CLEC4G: variants seen among roughly 807,000 people sequenced by gnomAD.
CLEC4G encodes C-type lectin domain family 4 member G.
In CLEC4G, 34 loss-of-function variants were observed where a neutral mutation model predicts 37.0. The observed-to-expected ratio is 0.92, with a 90% confidence interval of 0.70 to 1.22. CLEC4G has a LOEUF of 1.22. CLEC4G is among the 50% of genes most tolerant of loss of function. CLEC4G has a pLI of 0.00. For missense variants in CLEC4G, 390 were observed against 392.9 expected (o/e 0.99, Z 0.06); for synonymous variants, 167 against 165.6 (o/e 1.01, Z -0.06).
Position 7,729,107 on chromosome 19 carries a change from C to G in CLEC4G, c.*259G>C, listed in dbSNP as rs747895204. 1.6e-6 allele frequency: 1 copy of G among 614,156 alleles called. No individual in the cohort carries two copies. Among genetic ancestry groups the G allele is most frequent in the Admixed American group, 2.1e-5 (1 of 46,820 alleles). The allele number at this position is 614,156 out of a possible 1,614,324, so 38.0% of individuals were successfully genotyped here. On this transcript the variant is annotated 3_prime_UTR_variant, in exon 9 of 9. Transcript: ENST00000328853. ...GAGAAGTGGAGGCATATCACGGGGA[C>G]GCAGGAGCAGGGATTTTGGAGCTAG...
chr19:7,731,367 C>T (rs747593733), intron 2 of CLEC4G, 48 bp from the exon 3 acceptor site: 9 of 1,537,762 alleles, frequency 5.9e-6, no homozygotes, highest in Middle Eastern at 1.7e-4. Flanking sequence ...CGGGAATCCT[C>T]CCCTCGCCCG....
chr19:7,729,008 C>T lies in CLEC4G; in HGVS notation c.*358G>A. Reference sequence around the variant, plus strand: ...TTGATGCTTCCTCAGGCTGCAAAAACAGCTTCCAGTTTGGTGGAAAATGCG... The same window carrying T: ...TTGATGCTTCCTCAGGCTGCAAAAATAGCTTCCAGTTTGGTGGAAAATGCG... On this transcript the variant is annotated 3_prime_UTR_variant, in exon 9 of 9. Transcript: ENST00000328853. The T allele has an allele frequency of 2.6e-6, 1 of 382,804 alleles. No individual in the cohort carries two copies. The highest frequency in any genetic ancestry group is 5.1e-6 in the Non-Finnish European group (1 of 197,364). 23.7% of individuals were successfully genotyped at this position (382,804 alleles called of 1,614,324 possible).
Position 7,731,777 on chromosome 19 carries a change from A to G in CLEC4G, c.56-6T>C, listed in dbSNP as rs373345104. 1.2e-5 allele frequency: 19 copies of G among 1,611,696 alleles called. No individual in the cohort carries two copies. The African/African-American group carries it at 2.3e-4, about 19-fold the overall frequency. On this transcript the variant is annotated splice_region_variant and splice_polypyrimidine_tract_variant and intron_variant, in intron 1 of 8. Coordinates refer to ENST00000328853, the MANE Select transcript of CLEC4G (RefSeq NM_198492.4). ...CACCCAGCGTCCCCAGGGCCCTGGCATAACAAGGACGGCATGCTGGGTCCC... is the reference window on the plus strand; with the variant it reads ...CACCCAGCGTCCCCAGGGCCCTGGCGTAACAAGGACGGCATGCTGGGTCCC...
chr19:7,730,612 G>C lies in CLEC4G; in HGVS notation c.388+143C>G, dbSNP rs2033413922. ...TGGGCAGGGTCCGGGTGTGGCCGGC[G>C]CTAGGAGTGGCAGTCAAGGTCAGAG... On this transcript the variant is annotated intron_variant, in intron 5 of 8. Coordinates refer to ENST00000328853, the MANE Select transcript of CLEC4G (RefSeq NM_198492.4). This position sits in a 1 kb window ranked among gnomAD's most constrained non-coding sequence, Gnocchi z 7.3. 1 of 1,446,808 alleles carries C rather than the reference G, an allele frequency of 6.9e-7. No homozygotes were observed. The highest frequency in any genetic ancestry group is 1.4e-5 in the South Asian group (1 of 70,568). 89.6% of individuals were successfully genotyped at this position (1,446,808 alleles called of 1,614,324 possible).
rs1227073632 is a variant in CLEC4G, at chr19:7,730,477, C to T, written c.389-37G>A. On this transcript the variant is annotated intron_variant, in intron 5 of 8. Transcript: ENST00000328853. This position sits in a 1 kb window ranked among gnomAD's most constrained non-coding sequence, Gnocchi z 7.3. ...AGGGAGCGGGGATTATGGCTGGGGTCAGGGCCAGGACCAGGGTCATGACTA... is the reference window on the plus strand; with the variant it reads ...AGGGAGCGGGGATTATGGCTGGGGTTAGGGCCAGGACCAGGGTCATGACTA... 1 of 1,594,578 alleles carries T rather than the reference C, an allele frequency of 6.3e-7. No homozygotes were observed.
At chr19:7,731,347 G>T (rs779277759) in intron 2 of CLEC4G, 28 bp from the exon 3 acceptor site, 2 of 1,554,772 alleles carry the variant, frequency 1.3e-6, no homozygotes, top group Admixed American at 1.9e-5. Flanking sequence ...TGCAGGCGAG[G>T]CCGGGAACTC....
In CLEC4G at chr19:7,730,302, G is replaced by A; in HGVS notation, c.478+49C>T. 2.5e-6 allele frequency: 4 copies of A among 1,582,726 alleles called. No homozygotes were observed. The South Asian group carries it at 3.4e-5, about 14-fold the overall frequency. ...CCAGGCCAAGGTCCAGGAGTGACAG[G>A]GTCCGCTTACGCCCTCACAGCCCGC... On this transcript the variant is annotated intron_variant, in intron 6 of 8. Coordinates refer to ENST00000328853, the MANE Select transcript of CLEC4G (RefSeq NM_198492.4). This position sits in a 1 kb window ranked among gnomAD's most constrained non-coding sequence, Gnocchi z 7.3.
At position 7,731,480 on chromosome 19, in the gene CLEC4G, C is replaced by G. The variant is rs12978401; in HGVS notation, c.167-161G>C. On this transcript the variant is annotated intron_variant, in intron 2 of 8. Coordinates refer to ENST00000328853, the MANE Select transcript of CLEC4G (RefSeq NM_198492.4). ...GATGGGAGACAAACGCGCGGGGACT[C>G]GCGCACATACGAGCACGCCATGTGC... The G allele has an allele frequency of 5.4e-6, 8 of 1,470,304 alleles. No individual in the cohort carries two copies. In the East Asian group the frequency reaches 7.5e-5, roughly 14 times the overall value. The allele number at this position is 1,470,304 out of a possible 1,614,324, so 91.1% of individuals were successfully genotyped here.
chr19:7,730,147 T>C lies in CLEC4G; in HGVS notation c.499A>G (p.Thr167Ala). Reference protein sequence around the residue: ...LQNNSCEPCPTSWLSFEGSCY... With the variant: ...LQNNSCEPCPASWLSFEGSCY... The stretch of plus-strand genomic sequence containing the variant: ...GAGCCCTCGAAGGACAGCCACGACG[T>C]GGGGCACGGCTCGCAGGAGTCTGCG... Residue 167 changes from threonine (T) to alanine (A), a missense_variant, in exon 7 of 9, where the codon ACG becomes GCG. Transcript: ENST00000328853. This position sits in a 1 kb window ranked among gnomAD's most constrained non-coding sequence, Gnocchi z 7.3. The C allele has an allele frequency of 6.2e-7, 1 of 1,612,958 alleles. No homozygotes were observed. The highest frequency in any genetic ancestry group is 1.1e-5 in the South Asian group (1 of 90,974).
At position 7,728,998 on chromosome 19, in the gene CLEC4G, G is replaced by A; in HGVS notation, c.*368C>T. The A allele has an allele frequency of 2.7e-6, 1 of 374,296 alleles. No homozygotes were observed. The highest frequency in any genetic ancestry group is 5.2e-6 in the Non-Finnish European group (1 of 192,144). 23.2% of individuals were successfully genotyped at this position (374,296 alleles called of 1,614,324 possible). A position where few individuals can be genotyped will look rare whatever the true frequency, so the allele number is the denominator to read the frequency against. ...CAAATATTTATTGATGCTTCCTCAG[G>A]CTGCAAAAACAGCTTCCAGTTTGGT... On this transcript the variant is annotated 3_prime_UTR_variant, in exon 9 of 9. Transcript: ENST00000328853.
At position 7,730,008 on chromosome 19, in the gene CLEC4G, C is replaced by T; in HGVS notation, c.627+11G>A. On this transcript the variant is annotated intron_variant, in intron 7 of 8. Coordinates refer to ENST00000328853, the MANE Select transcript of CLEC4G (RefSeq NM_198492.4). This position sits in a 1 kb window ranked among gnomAD's most constrained non-coding sequence, Gnocchi z 7.3. ...CCCCACCGCCTGACCACGCCCCCTC[C>T]CCCTGCGCACCTGCTCATCCAGGCC... 2 of 1,596,416 alleles carry T rather than the reference C, an allele frequency of 1.3e-6. No individual in the cohort carries two copies. Among genetic ancestry groups the T allele is most frequent in the Non-Finnish European group, 1.7e-6 (2 of 1,173,008 alleles).
rs895471984 is a variant in CLEC4G at position 7,730,661 on chromosome 19, G to C, written c.388+94C>G. ...AGTGCAGCGTCAGGGTCAGGACGGG[G>C]TGCATGATCGGGGTCGGGGGTCAGC... On this transcript the variant is annotated intron_variant, in intron 5 of 8. Coordinates refer to ENST00000328853, the MANE Select transcript of CLEC4G (RefSeq NM_198492.4). This position sits in a 1 kb window ranked among gnomAD's most constrained non-coding sequence, Gnocchi z 7.3. The C allele has an allele frequency of 5.4e-6, 8 of 1,469,378 alleles. No individual in the cohort carries two copies. In the East Asian group the frequency reaches 2.0e-4, roughly 37 times the overall value. The allele number at this position is 1,469,378 out of a possible 1,614,324, so 91.0% of individuals were successfully genotyped here. A position where few individuals can be genotyped will look rare whatever the true frequency, so the allele number is the denominator to read the frequency against.
chr19:7,730,214 C>T lies in CLEC4G; in HGVS notation c.479-47G>A, dbSNP rs1366490229. On this transcript the variant is annotated intron_variant, in intron 6 of 8. Transcript: ENST00000328853. The surrounding 1 kb of genome is among the most constrained non-coding windows in gnomAD (Gnocchi z 7.3). ...AGAGGTCGCGTGCTTCCAGGGGCAA[C>T]GCACCGAGAGGATGCAGTGGGTAGG... is the stretch of plus-strand genomic sequence containing the variant. 6.3e-7 allele frequency: 1 copy of T among 1,597,174 alleles called. No individual in the cohort carries two copies. The highest frequency in any genetic ancestry group is 8.5e-7 in the Non-Finnish European group (1 of 1,172,788).
In CLEC4G at chr19:7,730,325, C is replaced by T. The variant is rs746740851; in HGVS notation, c.478+26G>A. 8.2e-6 allele frequency: 12 copies of T among 1,456,098 alleles called. No homozygotes were observed. The South Asian group carries it at 1.4e-4, about 17-fold the overall frequency. The allele number at this position is 1,456,098 out of a possible 1,614,324, so 90.2% of individuals were successfully genotyped here. A position where few individuals can be genotyped will look rare whatever the true frequency, so the allele number is the denominator to read the frequency against. The stretch of plus-strand genomic sequence containing the variant: ...AGGGTCCGCTTACGCCCTCACAGCC[C>T]GCCCCCGACCCCCCGTCTCGCTCAC... On this transcript the variant is annotated intron_variant, in intron 6 of 8. Coordinates refer to ENST00000328853, the MANE Select transcript of CLEC4G (RefSeq NM_198492.4). The surrounding 1 kb of genome is among the most constrained non-coding windows in gnomAD (Gnocchi z 7.3).
Position 7,730,921 on chromosome 19 carries a change from G to GCCCCCCCCCCCCCCCCCCC in CLEC4G, c.284-63_284-62insGGGGGGGGGGGGGGGGGGG. The GCCCCCCCCCCCCCCCCCCC allele has an allele frequency of 6.7e-7, 1 of 1,497,770 alleles. No individual in the cohort carries two copies. Among genetic ancestry groups the GCCCCCCCCCCCCCCCCCCC allele is most frequent in the South Asian group, 1.3e-5 (1 of 79,020 alleles). 92.8% of individuals were successfully genotyped at this position (1,497,770 alleles called of 1,614,324 possible). On this transcript the variant is annotated intron_variant, in intron 4 of 8. Coordinates refer to ENST00000328853, the MANE Select transcript of CLEC4G (RefSeq NM_198492.4). The surrounding 1 kb of genome is among the most constrained non-coding windows in gnomAD (Gnocchi z 7.3). ...GGATGGGGCGGGACTTCGGAGACCAGCCCCCGCCCCGCACCACCCGCCGCA... is the reference window on the plus strand; with the variant it reads ...GGATGGGGCGGGACTTCGGAGACCAGCCCCCCCCCCCCCCCCCCCCCCCCGCCCCGCACCACCCGCCGCA...
At position 7,729,031 on chromosome 19, in the gene CLEC4G, G is replaced by A. The variant is rs1479130572; in HGVS notation, c.*335C>T. On this transcript the variant is annotated 3_prime_UTR_variant, in exon 9 of 9. Transcript: ENST00000328853. The stretch of plus-strand genomic sequence containing the variant: ...AACAGCTTCCAGTTTGGTGGAAAAT[G>A]CGAGAAAACCAAACAGCTCCAGTCC... 9.7e-6 allele frequency: 4 copies of A among 410,342 alleles called. No individual in the cohort carries two copies. The highest frequency in any genetic ancestry group is 1.9e-5 in the Non-Finnish European group (4 of 214,320). 25.4% of individuals were successfully genotyped at this position (410,342 alleles called of 1,614,324 possible).
rs1232676170 is a variant in CLEC4G, at chr19:7,730,817, A to G, written c.326T>C (p.Leu109Pro). ...CATCAGCTTCGCCTGCGCCTCCCCA[A>G]GCTCCGCGCGCGTGGTCTGCAGCTG... Reference protein sequence around the residue: ...QAQLQTTRAELGEAQAKLMEQ... With the variant: ...QAQLQTTRAEPGEAQAKLMEQ... Residue 109 changes from leucine to proline, a missense_variant, in exon 5 of 9, where the codon CTT becomes CCT. Coordinates refer to ENST00000328853, the MANE Select transcript of CLEC4G (RefSeq NM_198492.4). The surrounding 1 kb of genome is among the most constrained non-coding windows in gnomAD (Gnocchi z 7.3). The G allele has an allele frequency of 3.9e-6, 6 of 1,532,392 alleles. No individual in the cohort carries two copies. Among genetic ancestry groups the G allele is most frequent in the African/African-American group, 1.4e-5 (1 of 72,634 alleles). 94.9% of individuals were successfully genotyped at this position (1,532,392 alleles called of 1,614,324 possible).
rs2033413656 is a variant in CLEC4G at position 7,730,579 on chromosome 19, G to T, written c.389-139C>A. 1.4e-6 allele frequency: 2 copies of T among 1,456,136 alleles called. No homozygotes were observed. Among genetic ancestry groups the T allele is most frequent in the East Asian group, 5.0e-5 (2 of 40,288 alleles). The allele number at this position is 1,456,136 out of a possible 1,614,324, so 90.2% of individuals were successfully genotyped here. A position where few individuals can be genotyped will look rare whatever the true frequency, so the allele number is the denominator to read the frequency against. ...CCAGGATGGCACAGGGTCAAGGGCGGTTACAACTGGGCAGGGTCCGGGTGT... is the reference window on the plus strand; with the variant it reads ...CCAGGATGGCACAGGGTCAAGGGCGTTTACAACTGGGCAGGGTCCGGGTGT... On this transcript the variant is annotated intron_variant, in intron 5 of 8. Coordinates refer to ENST00000328853, the MANE Select transcript of CLEC4G (RefSeq NM_198492.4). This position sits in a 1 kb window ranked among gnomAD's most constrained non-coding sequence, Gnocchi z 7.3.
At position 7,729,519 on chromosome 19, in the gene CLEC4G, A is replaced by G; in HGVS notation, c.744-15T>C. ...GGTTCCAGTGGCTACAGGGGGGTTG[A>G]GTGGGGGTGTTGCTGGGAATCTAGA... is the stretch of plus-strand genomic sequence containing the variant. On this transcript the variant is annotated splice_polypyrimidine_tract_variant and intron_variant, in intron 8 of 8. Transcript: ENST00000328853. 1 of 1,574,400 alleles carries G rather than the reference A, an allele frequency of 6.4e-7. No individual in the cohort carries two copies. The highest frequency in any genetic ancestry group is 8.7e-7 in the Non-Finnish European group (1 of 1,154,150).
Sources: gnomAD v4.1 joint callset for allele counts on GRCh38, gnomAD v4.1.1 for gene constraint, Gnocchi (gnomAD v3.1) non-coding constraint, MANE v1.5 for transcripts, NCBI Gene and HGNC (gene_info 2026-07-23, HGNC 2026-07-21) for gene names.